Variants in ERBB4 observed in about 807,000 individuals in gnomAD.
ERBB4 encodes the protein erb-b2 receptor tyrosine kinase 4.
ERBB4 carries 42 observed loss-of-function variants against 158.0 expected under a neutral mutation model. The ratio of observed to expected loss-of-function variants is 0.27; its 90% CI spans 0.21 to 0.34. ERBB4 has a LOEUF of 0.34. Among genes scored for constraint, ERBB4 ranks in the 10% least tolerant of loss-of-function variants. ERBB4 has a pLI of 1.00. For synonymous variants in ERBB4, 583 were observed against 558.7 expected (o/e 1.04, Z -0.61); for missense variants, 1,333 against 1,624.1 (o/e 0.82, Z 3.08).
At chr2:211,730,639 G>C (rs1054930713) in intron 5 of ERBB4, among the ~76,000 whole-genome samples, 3 of 151,950 alleles carry the variant, frequency 2.0e-5, no homozygotes, top group African/African-American at 7.2e-5. Context: ...TGGGGCCCAA[G>C]ACTTTTTAAT....
At chr2:212,175,845 CCTT>C (rs913864337) in intron 1 of ERBB4, among the ~76,000 whole-genome samples, 13 of 151,694 alleles carry the variant, frequency 8.6e-5, no homozygotes, top group South Asian at 2.1e-4. Context: ...TAAGTAAATC[CCTT>C]CTTCTTCTTT....
At chr2:212,364,914 AGT>A (rs34682600) in intron 1 of ERBB4, among the ~76,000 whole-genome samples, 57,019 of 147,778 alleles carry the variant, frequency 0.39, 11,057 homozygotes, top group South Asian at 0.44. Flanking sequence ...TGTGTGTGTG[AGT>A]GTGTGTGTGT....
intron 3 of ERBB4, among the ~76,000 whole-genome samples, chr2:211,828,077 A>G (rs147957926): frequency 3.3e-5 from 5 of 152,292 alleles, no homozygotes; most frequent in Admixed American, 2.6e-4. Flanking sequence ...GTAGGATAAT[A>G]TATGAGTTTA....
At chr2:212,506,003 G>A (rs542051641) in intron 1 of ERBB4, among the ~76,000 whole-genome samples, 2 of 148,932 alleles carry the variant, frequency 1.3e-5, no homozygotes, top group African/African-American at 4.8e-5. Flanking sequence ...CATAGAACAA[G>A]TTTGTCAGCA....
chr2:211,978,181 C>G (rs948911068), intron 2 of ERBB4, among the ~76,000 whole-genome samples: 1 of 151,898 alleles, frequency 6.6e-6, no homozygotes, highest in Non-Finnish European at 1.5e-5. Flanking sequence ...CAGAATTGCT[C>G]CCTGGGCATT....
At chr2:211,564,710 CAAGGAA>C (rs1313571790) in intron 19 of ERBB4, among the ~76,000 whole-genome samples, 2 of 151,866 alleles carry the variant, frequency 1.3e-5, no homozygotes, top group Admixed American at 1.3e-4. Context: ...TACATAAAAT[CAAGGAA>C]ACAAACATCA....
intron 1 of ERBB4, among the ~76,000 whole-genome samples, chr2:212,290,363 T>C (rs1441829650): frequency 6.6e-6 from 1 of 152,158 alleles, no homozygotes; most frequent in Non-Finnish European, 1.5e-5. Flanking sequence ...TTGTGTGATA[T>C]ATATATGAAG....
chr2:211,701,498 T>C (rs1248036647), intron 12 of ERBB4, among the ~76,000 whole-genome samples: 2 of 152,150 alleles, frequency 1.3e-5, no homozygotes, highest in Non-Finnish European at 2.9e-5. Context: ...GGCTCATGCC[T>C]GTAATCCCAG....
intron 2 of ERBB4, among the ~76,000 whole-genome samples, chr2:212,018,940 C>T (rs573913367): frequency 3.0e-4 from 45 of 152,098 alleles, no homozygotes; most frequent in African/African-American, 1.0e-3. Context: ...CAATAACTGG[C>T]GAATCATTAC....
At chr2:211,660,854 T>A (rs994627117) in intron 15 of ERBB4, among the ~76,000 whole-genome samples, 7 of 152,124 alleles carry the variant, frequency 4.6e-5, no homozygotes, top group African/African-American at 1.7e-4. Flanking sequence ...GTAAAACCAA[T>A]TAACTGTAGT....
chr2:211,839,503 T>C (rs2077424031), intron 3 of ERBB4, among the ~76,000 whole-genome samples: 1 of 152,142 alleles, frequency 6.6e-6, no homozygotes. Flanking sequence ...AACTAGGTTT[T>C]TTTCTCAGGT....
chr2:212,186,721 A>C (rs1379696434), intron 1 of ERBB4, among the ~76,000 whole-genome samples: 1 of 152,200 alleles, frequency 6.6e-6, no homozygotes, highest in Non-Finnish European at 1.5e-5. Flanking sequence ...CAAATTTATA[A>C]GGAAACCCAA....
intron 20 of ERBB4, among the ~76,000 whole-genome samples, chr2:211,553,394 T>G (rs1408259172): frequency 1.3e-5 from 2 of 152,134 alleles, no homozygotes; most frequent in Non-Finnish European, 2.9e-5. Flanking sequence ...CAAAAAATAT[T>G]GAATATTAAA....
intron 1 of ERBB4, among the ~76,000 whole-genome samples, chr2:212,443,015 A>C (rs1437298289): frequency 5.9e-5 from 9 of 152,234 alleles, no homozygotes; most frequent in Non-Finnish European, 8.8e-5. Context: ...CTCTTGTACC[A>C]GATGTGGTTT....
chr2:211,649,180 A>C (rs558520900), intron 16 of ERBB4, among the ~76,000 whole-genome samples: 1 of 151,990 alleles, frequency 6.6e-6, no homozygotes, highest in South Asian at 2.1e-4. Context: ...TAGGCTTAAT[A>C]GCTAAAAATT....
At chr2:211,919,116 TA>T (rs1276822771) in intron 3 of ERBB4, among the ~76,000 whole-genome samples, 1 of 152,052 alleles carries the variant, frequency 6.6e-6, no homozygotes, top group Admixed American at 6.6e-5. Flanking sequence ...AATAAACAAG[TA>T]AAAATAGCTT....
chr2:211,965,443 G>C lies in ERBB4; in HGVS notation c.235-17827C>G, dbSNP rs1031444514. On this transcript the variant is annotated intron_variant, in intron 2 of 27. Transcript: ENST00000342788. The stretch of plus-strand genomic sequence containing the variant: ...TGCCATCTTCATAAAAGATTTGCCT[G>C]ATATAGTCACATTTGAATAAATGCT... Among the ~76,000 whole-genome samples, 10 of 152,232 alleles carry C rather than the reference G, an allele frequency of 6.6e-5. No homozygotes were observed. The East Asian group carries it at 1.7e-3, about 26-fold the overall frequency.
rs2062546569 is a variant in ERBB4, at chr2:211,379,930, G to A, written c.*3685C>T. 1 of 231,928 alleles carries A rather than the reference G, an allele frequency of 4.3e-6. No homozygotes were observed. The highest frequency in any genetic ancestry group is 2.2e-5 in the African/African-American group (1 of 45,228). The allele number at this position is 231,928 out of a possible 1,614,324, so 14.4% of individuals were successfully genotyped here. A position where few individuals can be genotyped will look rare whatever the true frequency, so the allele number is the denominator to read the frequency against. ...CCTTCCAACTTCATCTAGTAGCAGA[G>A]CCTCACACAGTCCTTTTCTTGATTT... On this transcript the variant is annotated 3_prime_UTR_variant, in exon 28 of 28. Transcript: ENST00000342788.
intron 19 of ERBB4, among the ~76,000 whole-genome samples, chr2:211,596,974 C>T (rs2068652251): frequency 6.6e-6 from 1 of 152,080 alleles, no homozygotes; most frequent in Admixed American, 6.5e-5. Context: ...CCATGTTGGC[C>T]AGGCTGGTCT....
Sources: gnomAD v4.1 joint callset for allele counts (sites outside exome capture counted in the v4.1 genomes callset) on GRCh38, gnomAD v4.1.1 for gene constraint, MANE v1.5 for transcripts, NCBI Gene and HGNC (gene_info 2026-07-23, HGNC 2026-07-21) for gene names.